Variants in CRADD observed in about 807,000 individuals in gnomAD.
CRADD encodes the protein CARD and death domain containing adaptor protein.
A neutral mutation model predicts 15.5 loss-of-function variants in CRADD; 9 were observed. The observed-to-expected ratio is 0.58, with a 90% CI of 0.35 to 1.01. The LOEUF is 1.01. Ranked by LOEUF, CRADD falls within the 50% of genes least tolerant of loss-of-function variation. CRADD has a pLI of 0.02. For synonymous variants in CRADD, 118 were observed against 107.6 expected, an observed-to-expected ratio of 1.10 and a Z score of -0.60; for missense variants, 227 against 250.3, an observed-to-expected ratio of 0.91 and a Z score of 0.63.
In CRADD at chr12:93,850,373, A is replaced by G; in HGVS notation, c.*102A>G. The G allele has an allele frequency of 1.4e-6, 2 of 1,435,974 alleles. No individual in the cohort carries two copies. Among genetic ancestry groups the G allele is most frequent in the African/African-American group, 2.9e-5 (2 of 69,160 alleles). 89.0% of individuals were successfully genotyped at this position (1,435,974 alleles called of 1,614,324 possible). A position where few individuals can be genotyped will look rare whatever the true frequency, so the allele number is the denominator to read the frequency against. ...GGTTTTTTGTGTAGGTTTGTTTTTT[A>G]TTTTTGATGATCTTCAGATGGAAGG... is the stretch of plus-strand genomic sequence containing the variant. On this transcript the variant is annotated 3_prime_UTR_variant, in exon 3 of 3. Transcript: ENST00000332896. This position sits in a 1 kb window ranked among gnomAD's most constrained non-coding sequence, Gnocchi z 4.0.
At chr12:93,888,311 G>A (rs141579150) in intron 2 of CRADD, among the ~76,000 whole-genome samples, 4 of 151,996 alleles carry the variant, frequency 2.6e-5, no homozygotes, top group African/African-American at 9.6e-5. Flanking sequence ...TGTAGTCTTA[G>A]CTACTCGGGA....
At chr12:93,733,365 G>A (rs1018663485) in intron 2 of CRADD, among the ~76,000 whole-genome samples, 1 of 152,214 alleles carries the variant, frequency 6.6e-6, no homozygotes, top group African/African-American at 2.4e-5. Flanking sequence ...TTATATGAGT[G>A]GAGAAGGATG....
At chr12:93,868,399 C>G (rs994532525) in intron 2 of CRADD, among the ~76,000 whole-genome samples, 1 of 152,108 alleles carries the variant, frequency 6.6e-6, no homozygotes, top group Non-Finnish European at 1.5e-5. Flanking sequence ...TAACCTATAA[C>G]TCCATTTATA....
At chr12:93,756,738 G>A (rs1426438952) in intron 2 of CRADD, among the ~76,000 whole-genome samples, 1 of 152,218 alleles carries the variant, frequency 6.6e-6, no homozygotes. Flanking sequence ...TGGGTCCAGT[G>A]ATAAGAGCTT....
In CRADD at chr12:93,678,856, C is replaced by T; in HGVS notation, c.82C>T (p.Gln28Ter). The change falls in exon 2 of 3, where the codon CAG becomes TAG. Residue 28 changes from glutamine to a stop codon, truncating the protein, a stop_gained. Transcript: ENST00000332896. LOFTEE classifies it high-confidence loss of function. The stretch of plus-strand genomic sequence containing the variant: ...GGTATTGGTGGAGGGACTGGTTCTT[C>T]AGTACCTCTACCAGGAAGGAATCTT... ...AEVLVEGLVL[Q>*]YLYQEGILTE... The T allele has an allele frequency of 6.2e-7, 1 of 1,614,210 alleles. No individual in the cohort carries two copies. The highest frequency in any genetic ancestry group is 8.5e-7 in the Non-Finnish European group (1 of 1,180,032).
At position 93,804,774 on chromosome 12, in the gene CRADD, G is replaced by A. The variant is rs556304875; in HGVS notation, c.299-45196G>A. 4.6e-5 allele frequency among the ~76,000 whole-genome samples: 7 copies of A among 152,164 alleles called. No homozygotes were observed. The South Asian group carries it at 1.0e-3, about 23-fold the overall frequency. On this transcript the variant is annotated intron_variant, in intron 2 of 2. Coordinates refer to ENST00000332896, the MANE Select transcript of CRADD (RefSeq NM_003805.5). ...GGCAGTGGGTAGGAGTGAGAGGGAG[G>A]AGGAAAGGATGTAGACACATAATTC...
At chr12:93,696,579 AGGAGATGTGATTGG>A in intron 2 of CRADD, among the ~76,000 whole-genome samples, 1 of 152,272 alleles carries the variant, frequency 6.6e-6, no homozygotes, top group African/African-American at 2.4e-5. Context: ...CAGAGGCTGG[AGGAGATGTGATTGG>A]GGAGATGTTG....
chr12:93,716,853 CTGTG>C (rs1214161089), intron 2 of CRADD, among the ~76,000 whole-genome samples: 6 of 152,160 alleles, frequency 3.9e-5, no homozygotes, highest in Admixed American at 1.3e-4. Flanking sequence ...GTGCAGGTTC[CTGTG>C]TGGACATGCA....
chr12:93,749,426 A>C (rs1956805824), intron 2 of CRADD, among the ~76,000 whole-genome samples: 1 of 152,192 alleles, frequency 6.6e-6, no homozygotes, highest in African/African-American at 2.4e-5. Flanking sequence ...GAAGCCCCTG[A>C]AGGTTTTTAG....
chr12:93,704,199 T>G (rs927604091), intron 2 of CRADD, among the ~76,000 whole-genome samples: 6 of 152,300 alleles, frequency 3.9e-5, no homozygotes, highest in African/African-American at 1.2e-4. Context: ...TTTAATACTC[T>G]TAACAAAAAG....
At chr12:93,814,755 AGAC>A (rs984083118) in intron 2 of CRADD, among the ~76,000 whole-genome samples, 2 of 152,244 alleles carry the variant, frequency 1.3e-5, no homozygotes, top group African/African-American at 4.8e-5. Flanking sequence ...GCATCTCAGA[AGAC>A]AAGTCATTTT....
intron 2 of CRADD, among the ~76,000 whole-genome samples, chr12:93,866,978 T>C (rs1276833840): frequency 6.6e-6 from 1 of 152,140 alleles, no homozygotes; most frequent in Non-Finnish European, 1.5e-5. Flanking sequence ...AAATTTCTGC[T>C]GAGGGAAAGA....
At chr12:93,766,307 C>T (rs1957026683) in intron 2 of CRADD, among the ~76,000 whole-genome samples, 1 of 152,164 alleles carries the variant, frequency 6.6e-6, no homozygotes, top group Admixed American at 6.5e-5. Context: ...CTTCTTTGGC[C>T]CTCCCTGCCC....
intron 2 of CRADD, among the ~76,000 whole-genome samples, chr12:93,752,872 C>T (rs1592961095): frequency 6.6e-6 from 1 of 152,294 alleles, no homozygotes; most frequent in East Asian, 1.9e-4. Flanking sequence ...CTGGGGAGGC[C>T]TCACAATCAC....
At chr12:93,862,566 T>C (rs551105390) in intron 2 of CRADD, among the ~76,000 whole-genome samples, 1 of 152,286 alleles carries the variant, frequency 6.6e-6, no homozygotes, top group Non-Finnish European at 1.5e-5. Context: ...GGAGCCTTTG[T>C]TGTGAGTCTG....
intron 2 of CRADD, among the ~76,000 whole-genome samples, chr12:93,842,544 A>G (rs1421217962): frequency 2.0e-5 from 3 of 152,124 alleles, no homozygotes; most frequent in Non-Finnish European, 4.4e-5. Context: ...GAGGTCACAG[A>G]AGTAGAAGAG....
chr12:93,789,462 A>G (rs930708141), intron 2 of CRADD, among the ~76,000 whole-genome samples: 6 of 152,206 alleles, frequency 3.9e-5, no homozygotes, highest in African/African-American at 1.4e-4. Context: ...GAGCCAGGGG[A>G]TGACTAAGGA....
At chr12:93,869,545 A>G (rs1468096608) in intron 2 of CRADD, among the ~76,000 whole-genome samples, 1 of 152,206 alleles carries the variant, frequency 6.6e-6, no homozygotes, top group Non-Finnish European at 1.5e-5. Flanking sequence ...TTGTGGAGAC[A>G]TGAGGATTTC....
chr12:93,812,147 G>A (rs1338905827), intron 2 of CRADD, among the ~76,000 whole-genome samples: 1 of 152,076 alleles, frequency 6.6e-6, no homozygotes, highest in Non-Finnish European at 1.5e-5. Flanking sequence ...TGAAGCATAG[G>A]GGACTTTTAG....
Sources: allele counts gnomAD v4.1 joint callset (sites outside exome capture counted in the v4.1 genomes callset), GRCh38; gene constraint gnomAD v4.1.1; non-coding constraint Gnocchi (gnomAD v3.1); transcripts MANE v1.5; gene names NCBI Gene and HGNC (gene_info 2026-07-23, HGNC 2026-07-21).